Variants in NCAM1 observed in about 807,000 individuals in gnomAD.
The protein encoded by NCAM1 is neural cell adhesion molecule 1, also known as antigen recognized by monoclonal antibody 5.1H11.
A neutral mutation model predicts 109.8 loss-of-function variants in NCAM1; 14 were observed. That is an observed-to-expected ratio of 0.13 (90% CI 0.08 to 0.20). The LOEUF is 0.20. Ranked by LOEUF, NCAM1 falls within the 10% of genes least tolerant of loss-of-function variation. The pLI, the probability that NCAM1 is intolerant of heterozygous loss-of-function variation, is 1.00. For synonymous variants in NCAM1, 418 were observed against 442.9 expected, an observed-to-expected ratio of 0.94 and a Z score of 0.70; for missense variants, 774 against 1,109.9, an observed-to-expected ratio of 0.70 and a Z score of 4.30.
chr11:113,106,468 A>T (rs549323269), intron 1 of NCAM1, among the ~76,000 whole-genome samples: 1 of 152,354 alleles, frequency 6.6e-6, no homozygotes, highest in Admixed American at 6.5e-5. Context: ...CTGAAGAAGA[A>T]GATAAAAAAC....
At chr11:113,052,933 A>G (rs781792838) in intron 1 of NCAM1, among the ~76,000 whole-genome samples, 6 of 152,098 alleles carry the variant, frequency 3.9e-5, no homozygotes, top group Non-Finnish European at 7.4e-5. Context: ...AGGGAAGGCA[A>G]CAGAAGAGCT....
chr11:113,223,847 T>A (rs1386458385), intron 9 of NCAM1, among the ~76,000 whole-genome samples: 1 of 152,186 alleles, frequency 6.6e-6, no homozygotes, highest in Non-Finnish European at 1.5e-5. Context: ...AGCACAGCCC[T>A]TTAGAGATAC....
chr11:113,025,687 C>G (rs1952517562), intron 1 of NCAM1, among the ~76,000 whole-genome samples: 1 of 149,116 alleles, frequency 6.7e-6, no homozygotes, highest in Non-Finnish European at 1.5e-5. Context: ...CACTGCACTC[C>G]AGCCTGGGTG....
At chr11:113,117,371 T>C (rs1940756286) in intron 1 of NCAM1, among the ~76,000 whole-genome samples, 1 of 151,978 alleles carries the variant, frequency 6.6e-6, no homozygotes, top group Non-Finnish European at 1.5e-5. Flanking sequence ...AGTTACACTG[T>C]TGTTAGTGAA....
At chr11:113,110,089 G>C (rs1555093354) in intron 1 of NCAM1, among the ~76,000 whole-genome samples, 2 of 152,092 alleles carry the variant, frequency 1.3e-5, no homozygotes, top group Non-Finnish European at 2.9e-5. Context: ...TTTAATATAT[G>C]TATATATTTG....
rs114584518 is a variant in NCAM1 at position 113,202,944 on chromosome 11, G to A, written c.127+491G>A. Reference sequence around the variant, plus strand: ...TTTGTTGTGAGGACATATATCCTGGGTTTACCAGGTCTATTGTGAATATCG... The same window carrying A: ...TTTGTTGTGAGGACATATATCCTGGATTTACCAGGTCTATTGTGAATATCG... On this transcript the variant is annotated intron_variant, in intron 2 of 19. Transcript: ENST00000316851. Among the ~76,000 whole-genome samples, 588 of 152,274 alleles carry A rather than the reference G, an allele frequency of 3.9e-3. 5 individuals carry two copies. The highest frequency in any genetic ancestry group is 0.014 in the African/African-American group (563 of 41,552).
At chr11:113,179,644 A>G (rs75491573) in intron 1 of NCAM1, among the ~76,000 whole-genome samples, 283 of 152,304 alleles carry the variant, frequency 1.9e-3, no homozygotes, top group African/African-American at 6.4e-3. Flanking sequence ...CTTTTCTATC[A>G]ACGCTTGGGT....
At chr11:113,055,827 A>G (rs1313283751) in intron 1 of NCAM1, among the ~76,000 whole-genome samples, 1 of 151,648 alleles carries the variant, frequency 6.6e-6, no homozygotes, top group Admixed American at 6.6e-5. Context: ...TGACTCAGCA[A>G]TCCCACTGCT....
chr11:113,054,145 T>C (rs367934404), intron 1 of NCAM1, among the ~76,000 whole-genome samples: 7 of 152,294 alleles, frequency 4.6e-5, no homozygotes, highest in Admixed American at 1.3e-4. Context: ...CTCATAGATG[T>C]TGGAATCCAG....
At chr11:113,040,058 G>A (rs1953021867) in intron 1 of NCAM1, among the ~76,000 whole-genome samples, 1 of 152,116 alleles carries the variant, frequency 6.6e-6, no homozygotes, top group Non-Finnish European at 1.5e-5. Flanking sequence ...GGGAGAATTG[G>A]TTAAACCCAG....
chr11:113,147,030 A>G lies in NCAM1; in HGVS notation c.53-55349A>G, dbSNP rs566199005. On this transcript the variant is annotated intron_variant, in intron 1 of 19. Transcript: ENST00000316851. The stretch of plus-strand genomic sequence containing the variant: ...TCCATTTTCCTGAAGAATGATCTCA[A>G]TTGATAAGTTTCCTAGTTGTGCCAT... Among the ~76,000 whole-genome samples the G allele has an allele frequency of 1.2e-3, 175 of 151,124 alleles. 1 individual carries two copies. Among genetic ancestry groups the G allele is most frequent in the South Asian group, 9.4e-3 (45 of 4,776 alleles).
intron 1 of NCAM1, among the ~76,000 whole-genome samples, chr11:113,012,909 A>G (rs781918444): frequency 1.3e-4 from 20 of 152,198 alleles, no homozygotes; most frequent in Non-Finnish European, 2.6e-4. Context: ...TTTAGGAGAT[A>G]GATGCTGAAG....
At chr11:112,967,118 T>A (rs782005205) in intron 1 of NCAM1, among the ~76,000 whole-genome samples, 2 of 152,226 alleles carry the variant, frequency 1.3e-5, no homozygotes, top group Admixed American at 6.5e-5. Context: ...GAGGACTTTT[T>A]GATTTGTAGC....
intron 1 of NCAM1, among the ~76,000 whole-genome samples, chr11:113,022,670 G>C (rs1196016854): frequency 6.6e-6 from 1 of 152,158 alleles, no homozygotes; most frequent in Non-Finnish European, 1.5e-5. Flanking sequence ...CAACAAGTTA[G>C]TTTATTTATT....
chr11:113,102,092 G>A (rs146871025), intron 1 of NCAM1, among the ~76,000 whole-genome samples: 1 of 152,140 alleles, frequency 6.6e-6, no homozygotes, highest in Non-Finnish European at 1.5e-5. Flanking sequence ...CTCATTATTT[G>A]TTCAGAAGAT....
chr11:113,050,107 G>C (rs1384729720), intron 1 of NCAM1, among the ~76,000 whole-genome samples: 3 of 136,360 alleles, frequency 2.2e-5, no homozygotes, highest in African/African-American at 5.4e-5. Context: ...TGGTGAGAAC[G>C]CATGGTGTGG....
intron 1 of NCAM1, among the ~76,000 whole-genome samples, chr11:112,995,846 G>A (rs1951579892): frequency 1.3e-5 from 2 of 152,142 alleles, no homozygotes; most frequent in Non-Finnish European, 2.9e-5. Flanking sequence ...ACTGACCCAT[G>A]TCTGTTTCTG....
chr11:113,187,008 A>G (rs1943527925), intron 1 of NCAM1, among the ~76,000 whole-genome samples: 1 of 152,170 alleles, frequency 6.6e-6, no homozygotes, highest in South Asian at 2.1e-4. Context: ...TTCCTTCTCA[A>G]CTGAAGTTCT....
In NCAM1 at chr11:113,205,698, T is replaced by C. The variant is rs1555112736; in HGVS notation, c.490+32T>C. 3.1e-6 allele frequency: 5 copies of C among 1,602,458 alleles called. No individual in the cohort carries two copies. The East Asian group carries it at 1.1e-4, about 36-fold the overall frequency. On this transcript the variant is annotated intron_variant, in intron 4 of 19. Coordinates refer to ENST00000316851, the MANE Select transcript of NCAM1 (RefSeq NM_181351.5). ...CCTGAATTTCCTGGCATCTGCCTTT[T>C]CCCCAGGCCACCAAGTTCCCTAGCT...
Sources: allele counts gnomAD v4.1 joint callset (sites outside exome capture counted in the v4.1 genomes callset), GRCh38; gene constraint gnomAD v4.1.1; transcripts MANE v1.5; gene names NCBI Gene and HGNC (gene_info 2026-07-23, HGNC 2026-07-21).